Variants in RPTOR observed in about 807,000 individuals in gnomAD.
RPTOR encodes regulatory-associated protein of mTOR.
A neutral mutation model predicts 169.9 loss-of-function variants in RPTOR; 21 were observed. The observed-to-expected ratio is 0.12, with a 90% CI of 0.09 to 0.18. The LOEUF is 0.18. Among genes scored for constraint, RPTOR ranks in the 10% least tolerant of loss-of-function variants. The pLI, the probability that RPTOR is intolerant of heterozygous loss-of-function variation, is 1.00. For missense variants in RPTOR, 1,133 were observed against 1,855.9 expected, an observed-to-expected ratio of 0.61 and a Z score of 7.16; for synonymous variants, 732 against 753.2, an observed-to-expected ratio of 0.97 and a Z score of 0.46.
intron 20 of RPTOR, among the ~76,000 whole-genome samples, chr17:80,906,933 G>T (rs1277984520): frequency 3.3e-5 from 5 of 152,170 alleles, no homozygotes; most frequent in Non-Finnish European, 7.4e-5. Context: ...CGCACAGCAG[G>T]GGTAGACACT....
chr17:80,712,304 C>G (rs1305102358), intron 4 of RPTOR, among the ~76,000 whole-genome samples: 2 of 152,154 alleles, frequency 1.3e-5, no homozygotes, highest in African/African-American at 4.8e-5. Flanking sequence ...TTCCTGCAAC[C>G]ACCGTTAGGT....
chr17:80,862,569 G>A (rs946807291), intron 13 of RPTOR, among the ~76,000 whole-genome samples: 3 of 137,564 alleles, frequency 2.2e-5, no homozygotes, highest in African/African-American at 6.0e-5. Context: ...TGTCTGCTCC[G>A]CCCCCTCGTG....
At chr17:80,812,675 A>G (rs1943945394) in intron 7 of RPTOR, among the ~76,000 whole-genome samples, 1 of 152,192 alleles carries the variant, frequency 6.6e-6, no homozygotes, top group Non-Finnish European at 1.5e-5. Context: ...TCTTGGCCCC[A>G]TAATTTCTCA....
chr17:80,857,465 T>C (rs1419154834), intron 12 of RPTOR, among the ~76,000 whole-genome samples: 1 of 152,124 alleles, frequency 6.6e-6, no homozygotes, highest in Non-Finnish European at 1.5e-5. Flanking sequence ...GATGCTCTGC[T>C]GCCAAGAGCA....
At position 80,646,664 on chromosome 17, in the gene RPTOR, A is replaced by C. The variant is rs998872728; in HGVS notation, c.348+2854A>C. ...TACAGGGCTCTTGAGTTTCTGCAGT[A>C]ATAAAGAGAGGTTGATGTGCCATCT... On this transcript the variant is annotated intron_variant, in intron 3 of 33. Coordinates refer to ENST00000306801, the MANE Select transcript of RPTOR (RefSeq NM_020761.3). The surrounding 1 kb of genome is among the most constrained non-coding windows in gnomAD (Gnocchi z 5.0). Among the ~76,000 whole-genome samples the C allele has an allele frequency of 1.1e-4, 17 of 152,276 alleles. No homozygotes were observed. The highest frequency in any genetic ancestry group is 3.9e-4 in the African/African-American group (16 of 41,540).
chr17:80,680,411 G>C (rs1454167586), intron 3 of RPTOR, among the ~76,000 whole-genome samples: 1 of 152,208 alleles, frequency 6.6e-6, no homozygotes, highest in African/African-American at 2.4e-5. Flanking sequence ...CCAGGTAGGT[G>C]GATCATGAGG....
chr17:80,573,646 G>A (rs892454477), intron 1 of RPTOR, among the ~76,000 whole-genome samples: 2 of 152,180 alleles, frequency 1.3e-5, no homozygotes, highest in Non-Finnish European at 2.9e-5. Flanking sequence ...GTCATCAGGA[G>A]CCCTGGCAGC....
intron 11 of RPTOR, among the ~76,000 whole-genome samples, chr17:80,849,332 G>C (rs1232569475): frequency 6.6e-6 from 1 of 152,178 alleles, no homozygotes; most frequent in Non-Finnish European, 1.5e-5. Context: ...GGCCCTCCAG[G>C]GTCACGCACG....
chr17:80,561,954 G>A (rs1435092357), intron 1 of RPTOR, among the ~76,000 whole-genome samples: 1 of 152,154 alleles, frequency 6.6e-6, no homozygotes, highest in Non-Finnish European at 1.5e-5. Context: ...GTTTATGTCT[G>A]TATGTATGTG....
At chr17:80,594,618 G>C (rs923954748) in intron 1 of RPTOR, among the ~76,000 whole-genome samples, 1 of 152,242 alleles carries the variant, frequency 6.6e-6, no homozygotes, top group African/African-American at 2.4e-5. Context: ...CTCTGTGTGT[G>C]AAGAAGCTCG....
intron 11 of RPTOR, among the ~76,000 whole-genome samples, chr17:80,851,612 C>T (rs901016941): frequency 2.0e-5 from 3 of 152,238 alleles, no homozygotes; most frequent in South Asian, 2.1e-4. Flanking sequence ...CCTCCGACGC[C>T]GACTCCCAGG....
intron 5 of RPTOR, among the ~76,000 whole-genome samples, chr17:80,747,949 G>T (rs896635172): frequency 2.0e-5 from 3 of 152,244 alleles, no homozygotes; most frequent in Non-Finnish European, 4.4e-5. Context: ...ATGGTGGGAG[G>T]ACCTGTTGGA....
intron 6 of RPTOR, among the ~76,000 whole-genome samples, chr17:80,769,697 A>G (rs1244328454): frequency 1.3e-5 from 2 of 152,120 alleles, no homozygotes; most frequent in East Asian, 3.9e-4. Context: ...ACCCGCTATG[A>G]TGAGTGAAAT....
chr17:80,749,829 C>T (rs2066614185), intron 5 of RPTOR, among the ~76,000 whole-genome samples: 1 of 152,166 alleles, frequency 6.6e-6, no homozygotes, highest in Non-Finnish European at 1.5e-5. Flanking sequence ...CCTCCCACCT[C>T]GGCCTCCTGA....
intron 7 of RPTOR, among the ~76,000 whole-genome samples, chr17:80,796,026 C>G (rs1249120060): frequency 1.3e-5 from 2 of 152,212 alleles, no homozygotes; most frequent in Non-Finnish European, 2.9e-5. Flanking sequence ...TTGCCCTGGC[C>G]CCACCACAGT....
At chr17:80,626,208 A>C (rs138121641) in intron 2 of RPTOR, among the ~76,000 whole-genome samples, 314 of 152,120 alleles carry the variant, frequency 2.1e-3, no homozygotes, top group African/African-American at 7.3e-3. Context: ...ACCCGCCAAC[A>C]CACCCAGCTA....
chr17:80,559,679 G>A (rs964719042), intron 1 of RPTOR, among the ~76,000 whole-genome samples: 5 of 152,132 alleles, frequency 3.3e-5, no homozygotes, highest in Non-Finnish European at 7.3e-5. Flanking sequence ...GAGAGCTCCA[G>A]TCCAGCTCCT....
rs146122736 is a variant in RPTOR, at chr17:80,744,338, C to T, written c.655-9672C>T. 5.6e-4 allele frequency among the ~76,000 whole-genome samples: 33 copies of T among 58,416 alleles called. 5 individuals are homozygous for T. Among genetic ancestry groups the T allele is most frequent in the South Asian group, 1.0e-3 (2 of 1,964 alleles). 38.3% of individuals were successfully genotyped at this position (58,416 alleles called of 152,430 possible). On this transcript the variant is annotated intron_variant, in intron 5 of 33. Transcript: ENST00000306801. ...TTACTAGCACAGCCCTGGCTACTAG[C>T]ACAGCCCTGGCTACTAGCACTGTCC...
intron 26 of RPTOR, among the ~76,000 whole-genome samples, chr17:80,946,109 G>A (rs921644571): frequency 1.4e-4 from 22 of 152,246 alleles, no homozygotes; most frequent in African/African-American, 4.3e-4. Flanking sequence ...TGCCCTGCCC[G>A]CAGAAGCAAG....
Sources: allele counts gnomAD v4.1 joint callset (sites outside exome capture counted in the v4.1 genomes callset), GRCh38; gene constraint gnomAD v4.1.1; non-coding constraint Gnocchi (gnomAD v3.1); transcripts MANE v1.5; gene names NCBI Gene and HGNC (gene_info 2026-07-23, HGNC 2026-07-21).